The following CLASP1 variants were observed in gnomAD, a reference collection of about 807,000 sequenced individuals.
The protein encoded by CLASP1 is CLIP-associating protein 1.
CLASP1 carries 38 observed loss-of-function variants against 192.3 expected under a neutral mutation model. That is an observed-to-expected ratio of 0.20 (90% CI 0.15 to 0.26). The LOEUF (loss-of-function observed/expected upper bound fraction) is 0.26. Among genes scored for constraint, CLASP1 ranks in the 10% least tolerant of loss-of-function variants. CLASP1 has a pLI of 1.00. For synonymous variants in CLASP1, 691 were observed against 712.8 expected, an observed-to-expected ratio of 0.97 and a Z score of 0.49; for missense variants, 1,433 against 1,932.5, an observed-to-expected ratio of 0.74 and a Z score of 4.85.
At chr2:121,402,647 G>C (rs1332176094) in intron 26 of CLASP1, 1 of 518,898 alleles carries the variant, frequency 1.9e-6, no homozygotes. Flanking sequence ...CTCACATTCT[G>C]CTTCTGAATC....
In CLASP1 at chr2:121,473,447, A is replaced by C. The variant is rs145244902; in HGVS notation, c.713-3487T>G. Among the ~76,000 whole-genome samples the C allele has an allele frequency of 3.7e-3, 568 of 152,318 alleles. 6 individuals carry two copies. The highest frequency in any genetic ancestry group is 0.013 in the African/African-American group (534 of 41,568). ...AAGCACAGAAACAAAATAGGCTGAA[A>C]AAATAAATAAACGGAATAGAGTCTC... is the stretch of plus-strand genomic sequence containing the variant. On this transcript the variant is annotated intron_variant, in intron 8 of 39. Coordinates refer to ENST00000263710, the Ensembl canonical transcript of CLASP1.
rs190735845 is a variant in CLASP1 at position 121,349,414 on chromosome 2, A to G, written c.4207-696T>C. Among the ~76,000 whole-genome samples the G allele has an allele frequency of 1.5e-3, 225 of 152,160 alleles. 1 individual carries two copies. Among genetic ancestry groups the G allele is most frequent in the African/African-American group, 4.9e-3 (202 of 41,516 alleles). On this transcript the variant is annotated intron_variant, in intron 37 of 39. Transcript: ENST00000263710. ...AGGGGGTGCAACGAGCTGTGTTGGT[A>G]AGCACCAGGTGATTTCTAGACACAC...
chr2:121,440,043 C>T (rs2083024655), intron 19 of CLASP1, among the ~76,000 whole-genome samples: 1 of 147,526 alleles, frequency 6.8e-6, no homozygotes, highest in African/African-American at 2.5e-5. Flanking sequence ...TGTAACTAAC[C>T]TGCACAATGT....
At chr2:121,561,730 G>A (rs143106607) in intron 2 of CLASP1, among the ~76,000 whole-genome samples, 60 of 152,384 alleles carry the variant, frequency 3.9e-4, no homozygotes, top group African/African-American at 1.3e-3. Flanking sequence ...ATAAGGGCAA[G>A]TGAGTCAGGC....
At chr2:121,403,302 A>G (rs759597905) in intron 26 of CLASP1, 22 of 417,738 alleles carry the variant, frequency 5.3e-5, no homozygotes, top group Admixed American at 5.0e-4. Flanking sequence ...GGCTGGGACC[A>G]TATCTTCTTT....
chr2:121,586,552 ATTAATAG>A (rs1337407189), intron 2 of CLASP1, among the ~76,000 whole-genome samples: 1 of 152,228 alleles, frequency 6.6e-6, no homozygotes, highest in Non-Finnish European at 1.5e-5. Flanking sequence ...AAAATACACT[ATTAATAG>A]TTTGGCATAT....
intron 1 of CLASP1, among the ~76,000 whole-genome samples, chr2:121,620,220 CAAA>C (rs201371353): frequency 9.1e-6 from 1 of 109,558 alleles, no homozygotes; most frequent in Non-Finnish European, 1.9e-5. Context: ...GATTCTGTCT[CAAA>C]AAAAAAAAAA....
intron 1 of CLASP1, among the ~76,000 whole-genome samples, chr2:121,619,835 G>C (rs2067034933): frequency 6.6e-6 from 1 of 152,120 alleles, no homozygotes; most frequent in East Asian, 1.9e-4. Context: ...CTCCCTCAAA[G>C]ATGAAACAAG....
intron 28 of CLASP1, among the ~76,000 whole-genome samples, chr2:121,400,431 G>A (rs1388625134): frequency 2.6e-5 from 4 of 152,150 alleles, no homozygotes; most frequent in Middle Eastern, 3.2e-3. Flanking sequence ...AAAGCTGCAC[G>A]CATAGGGAGA....
chr2:121,642,343 T>C (rs2072261710), intron 1 of CLASP1, among the ~76,000 whole-genome samples: 1 of 142,604 alleles, frequency 7.0e-6, no homozygotes, highest in Non-Finnish European at 1.5e-5. Context: ...AAGGCTGCAG[T>C]AAGCCATGAT....
intron 13 of CLASP1, among the ~76,000 whole-genome samples, chr2:121,458,523 A>G (rs533204613): frequency 1.3e-5 from 2 of 152,206 alleles, no homozygotes; most frequent in Non-Finnish European, 2.9e-5. Context: ...GACTAAGAGT[A>G]ATATCCGAGT....
chr2:121,363,575 T>C (rs1338913303), intron 36 of CLASP1, among the ~76,000 whole-genome samples: 1 of 152,230 alleles, frequency 6.6e-6, no homozygotes, highest in Non-Finnish European at 1.5e-5. Context: ...GAACGAGCCA[T>C]GCACTTGAGA....
intron 8 of CLASP1, among the ~76,000 whole-genome samples, chr2:121,472,682 C>G (rs1169842263): frequency 6.6e-6 from 1 of 152,178 alleles, no homozygotes; most frequent in Non-Finnish European, 1.5e-5. Flanking sequence ...AAGTTCTAGG[C>G]CTCACGTGTG....
chr2:121,361,384 C>T (rs1400301005), intron 37 of CLASP1, among the ~76,000 whole-genome samples: 2 of 152,196 alleles, frequency 1.3e-5, no homozygotes, highest in Non-Finnish European at 2.9e-5. Context: ...CACGTATTCT[C>T]ATTAAGGAGA....
Position 121,602,038 on chromosome 2 carries a change from G to A in CLASP1, c.195+3663C>T, listed in dbSNP as rs539418486. ...AAAAACACAAAAATCAGCCGGGTAT[G>A]GTGGTGCACGCCTGCAGTACCAGCT... On this transcript the variant is annotated intron_variant, in intron 2 of 39. Transcript: ENST00000263710. 3.9e-5 allele frequency among the ~76,000 whole-genome samples: 6 copies of A among 152,126 alleles called. No homozygotes were observed. The South Asian group carries it at 1.2e-3, about 32-fold the overall frequency.
chr2:121,418,661 T>C (rs2078992302), exon 23 of CLASP1: 1 of 1,613,814 alleles, frequency 6.2e-7, no homozygotes, highest in African/African-American at 1.3e-5. Context: ...GTATCTCGGC[T>C]GCTCTCACGG....
intron 14 of CLASP1, among the ~76,000 whole-genome samples, chr2:121,457,458 T>TACACACACATAC: frequency 7.0e-6 from 1 of 143,552 alleles, no homozygotes; most frequent in African/African-American, 2.5e-5. Context: ...CACACAGACA[T>TACACACACATAC]ACACACACAC....
intron 23 of CLASP1, among the ~76,000 whole-genome samples, chr2:121,416,908 G>A (rs1390650307): frequency 2.6e-5 from 4 of 152,110 alleles, no homozygotes; most frequent in Non-Finnish European, 5.9e-5. Flanking sequence ...TGCTCCAAAC[G>A]GTGTGTGTAC....
At chr2:121,534,014 TA>T (rs2094970092) in intron 2 of CLASP1, among the ~76,000 whole-genome samples, 1 of 152,086 alleles carries the variant, frequency 6.6e-6, no homozygotes, top group African/African-American at 2.4e-5. Flanking sequence ...CGAGCACAAC[TA>T]AAAAATGCTG....
Sources: gnomAD v4.1 joint callset for allele counts (sites outside exome capture counted in the v4.1 genomes callset) on GRCh38, gnomAD v4.1.1 for gene constraint, MANE v1.5 for transcripts, NCBI Gene and HGNC (gene_info 2026-07-23, HGNC 2026-07-21) for gene names.